Variants in CERS6 observed in about 807,000 individuals in gnomAD.
CERS6 encodes LAG1 homolog, ceramide synthase 6.
CERS6 carries 26 observed loss-of-function variants against 56.8 expected under a neutral mutation model. That is an observed-to-expected ratio of 0.46 (90% CI 0.34 to 0.63). The LOEUF (loss-of-function observed/expected upper bound fraction) is 0.63, where lower values mean the gene tolerates loss of function less well. Ranked by LOEUF, CERS6 falls within the 30% of genes least tolerant of loss-of-function variation. The pLI, the probability that CERS6 is intolerant of heterozygous loss-of-function variation, is 0.01. For missense variants in CERS6, 415 were observed against 467.5 expected (o/e 0.89, Z 1.04); for synonymous variants, 164 against 173.3 (o/e 0.95, Z 0.42).
Position 168,592,027 on chromosome 2 carries a change from A to T in CERS6, c.407+30705A>T, listed in dbSNP as rs185320010. Reference sequence around the variant, plus strand: ...CATTTTGTTGTGTTGCCGACTTTCAACTGAGTGTCAAAGAATTGCATATAA... The same window carrying T: ...CATTTTGTTGTGTTGCCGACTTTCATCTGAGTGTCAAAGAATTGCATATAA... On this transcript the variant is annotated intron_variant, in intron 3 of 9. Transcript: ENST00000305747. Among the ~76,000 whole-genome samples, 7 of 152,310 alleles carry T rather than the reference A, an allele frequency of 4.6e-5. No homozygotes were observed. In the East Asian group the frequency reaches 7.7e-4, roughly 17 times the overall value.
intron 8 of CERS6, among the ~76,000 whole-genome samples, chr2:168,732,004 G>T (rs1683549088): frequency 6.6e-6 from 1 of 152,182 alleles, no homozygotes; most frequent in Admixed American, 6.5e-5. Context: ...AAATAAGTCA[G>T]TTGCTTCACA....
At chr2:168,494,403 T>TCATCA (rs1476231236) in intron 1 of CERS6, among the ~76,000 whole-genome samples, 4 of 152,224 alleles carry the variant, frequency 2.6e-5, no homozygotes, top group Non-Finnish European at 4.4e-5. Flanking sequence ...TGCTTCAGTT[T>TCATCA]CATCATCTGT....
intron 4 of CERS6, among the ~76,000 whole-genome samples, chr2:168,664,265 G>A (rs1574140746): frequency 6.6e-6 from 1 of 152,150 alleles, no homozygotes; most frequent in Non-Finnish European, 1.5e-5. Context: ...GCAAGCAGGA[G>A]GCCCTTCCTT....
chr2:168,671,252 G>T (rs533899594), intron 4 of CERS6, among the ~76,000 whole-genome samples: 1 of 151,994 alleles, frequency 6.6e-6, no homozygotes, highest in Admixed American at 6.6e-5. Flanking sequence ...GACATGAGCC[G>T]CTGGGCCCGG....
chr2:168,618,404 T>G lies in CERS6; in HGVS notation c.408-12581T>G, dbSNP rs985280661. 5.5e-4 allele frequency among the ~76,000 whole-genome samples: 84 copies of G among 152,010 alleles called. 1 individual carries two copies. The highest frequency in any genetic ancestry group is 1.9e-4 in the Non-Finnish European group (13 of 68,006). On this transcript the variant is annotated intron_variant, in intron 3 of 9. Coordinates refer to ENST00000305747, the MANE Select transcript of CERS6 (RefSeq NM_203463.3). The stretch of plus-strand genomic sequence containing the variant: ...AGAGCCATCAGACAAGAGAAAGAAA[T>G]AAAAGGCATCCAAATCAGTCACAAG...
chr2:168,627,257 G>A lies in CERS6; in HGVS notation c.408-3728G>A, dbSNP rs149198750. 3.8e-3 allele frequency among the ~76,000 whole-genome samples: 582 copies of A among 152,096 alleles called. 3 individuals are homozygous for A. The highest frequency in any genetic ancestry group is 0.013 in the African/African-American group (557 of 41,486). On this transcript the variant is annotated intron_variant, in intron 3 of 9. Coordinates refer to ENST00000305747, the MANE Select transcript of CERS6 (RefSeq NM_203463.3). ...CTTAAAAACAAGAGCATTTAATTTG[G>A]CAATGAAATTTAGGGCAATGATTTA...
intron 1 of CERS6, among the ~76,000 whole-genome samples, chr2:168,516,418 C>CT (rs1401985739): frequency 6.6e-6 from 1 of 151,986 alleles, no homozygotes; most frequent in Admixed American, 6.6e-5. Flanking sequence ...ACAATAGTGG[C>CT]TGCAATTTTT....
rs187053749 is a variant in CERS6, at chr2:168,468,442, C to G, written c.170+11824C>G. Reference sequence around the variant, plus strand: ...GGCTGTGTTTTGGCCCTGCCACTTGCTAGCTACTGGTCTAGGGGCAAATTA... The same window carrying G: ...GGCTGTGTTTTGGCCCTGCCACTTGGTAGCTACTGGTCTAGGGGCAAATTA... On this transcript the variant is annotated intron_variant, in intron 1 of 9. Coordinates refer to ENST00000305747, the MANE Select transcript of CERS6 (RefSeq NM_203463.3). 5.3e-5 allele frequency among the ~76,000 whole-genome samples: 8 copies of G among 152,316 alleles called. No individual in the cohort carries two copies. In the East Asian group the frequency reaches 1.5e-3, roughly 29 times the overall value.
chr2:168,704,752 G>A (rs1268842075), intron 6 of CERS6, among the ~76,000 whole-genome samples: 2 of 152,104 alleles, frequency 1.3e-5, no homozygotes, highest in Non-Finnish European at 2.9e-5. Flanking sequence ...GACTACAGGT[G>A]CGTGCCACCA....
chr2:168,688,855 G>A (rs771940448), intron 4 of CERS6, among the ~76,000 whole-genome samples: 26 of 152,112 alleles, frequency 1.7e-4, no homozygotes, highest in Non-Finnish European at 2.5e-4. Flanking sequence ...GTCAGGCATC[G>A]GGCATGCAAT....
chr2:168,549,147 G>A (rs533432921), intron 2 of CERS6, among the ~76,000 whole-genome samples: 77 of 152,028 alleles, frequency 5.1e-4, no homozygotes, highest in African/African-American at 1.8e-3. Context: ...TAAACATACA[G>A]TATTCTAAAT....
intron 8 of CERS6, among the ~76,000 whole-genome samples, chr2:168,752,655 C>G (rs187583866): frequency 8.5e-5 from 13 of 152,186 alleles, no homozygotes; most frequent in Non-Finnish European, 1.6e-4. Flanking sequence ...TGAGGGCTTG[C>G]TAAGCGATCT....
intron 4 of CERS6, among the ~76,000 whole-genome samples, chr2:168,657,653 C>T (rs1363032575): frequency 6.6e-6 from 1 of 152,252 alleles, no homozygotes; most frequent in Non-Finnish European, 1.5e-5. Context: ...CTGGGGGACT[C>T]AGTACACCCT....
chr2:168,644,962 C>T (rs770905467), intron 4 of CERS6, among the ~76,000 whole-genome samples: 27 of 149,736 alleles, frequency 1.8e-4, no homozygotes, highest in Non-Finnish European at 3.1e-4. Flanking sequence ...CATGGTGGTG[C>T]ACACTTGTAA....
At chr2:168,578,875 T>C (rs1348947117) in intron 3 of CERS6, among the ~76,000 whole-genome samples, 2 of 152,154 alleles carry the variant, frequency 1.3e-5, no homozygotes, top group Non-Finnish European at 2.9e-5. Context: ...AACATTTTTT[T>C]CCTAACATTA....
intron 4 of CERS6, among the ~76,000 whole-genome samples, chr2:168,653,586 A>G (rs547619413): frequency 2.6e-5 from 4 of 152,308 alleles, no homozygotes; most frequent in Admixed American, 6.5e-5. Context: ...ATTGTTTTCA[A>G]TTATCTCTTC....
chr2:168,563,689 C>T (rs572833860), intron 3 of CERS6, among the ~76,000 whole-genome samples: 215 of 152,168 alleles, frequency 1.4e-3, no homozygotes, highest in Non-Finnish European at 2.6e-3. Flanking sequence ...CCCAGCTACT[C>T]GGGAGGCTGA....
At chr2:168,559,777 T>C (rs931278184) in intron 2 of CERS6, among the ~76,000 whole-genome samples, 2 of 61,436 alleles carry the variant, frequency 3.3e-5, no homozygotes, top group East Asian at 7.4e-4. Flanking sequence ...ACTTGAAGTT[T>C]GGTCATTGTG....
At chr2:168,606,162 G>T (rs1420279566) in intron 3 of CERS6, among the ~76,000 whole-genome samples, 5 of 152,234 alleles carry the variant, frequency 3.3e-5, no homozygotes, top group Non-Finnish European at 7.3e-5. Flanking sequence ...AAGGCCTGGG[G>T]AACCAACTTC....
Sources: allele counts gnomAD v4.1 joint callset (sites outside exome capture counted in the v4.1 genomes callset), GRCh38; gene constraint gnomAD v4.1.1; transcripts MANE v1.5; gene names NCBI Gene and HGNC (gene_info 2026-07-23, HGNC 2026-07-21).